Variants in TENT4B observed in about 807,000 individuals in gnomAD.
The protein encoded by TENT4B is terminal nucleotidyltransferase 4B, also known as PAP associated domain containing 5.
In TENT4B, 10 loss-of-function variants were observed where a neutral mutation model predicts 75.0. The ratio of observed to expected loss-of-function variants is 0.13; its 90% confidence interval spans 0.08 to 0.23. The LOEUF (loss-of-function observed/expected upper bound fraction) is 0.23. Ranked by LOEUF, TENT4B falls within the 10% of genes least tolerant of loss-of-function variation. The pLI, the probability that TENT4B is intolerant of heterozygous loss-of-function variation, is 1.00. For synonymous variants in TENT4B, 350 were observed against 357.7 expected (o/e 0.98, Z 0.24); for missense variants, 579 against 893.8 (o/e 0.65, Z 4.49).
At position 50,235,028 on chromosome 16, in the gene TENT4B, T is replaced by G; in HGVS notation, c.*5700T>G. On this transcript the variant is annotated 3_prime_UTR_variant, in exon 12 of 12. Transcript: ENST00000561678. ...TGTCTAGTTACCACTGCAGAGACAC[T>G]AAGGAATTTACCAGAAAAAGATATT... 2 of 985,786 alleles carry G rather than the reference T, an allele frequency of 2.0e-6. No homozygotes were observed. The highest frequency in any genetic ancestry group is 2.4e-6 in the Non-Finnish European group (2 of 829,862). 61.1% of individuals were successfully genotyped at this position (985,786 alleles called of 1,614,324 possible).
intron 1 of TENT4B, among the ~76,000 whole-genome samples, chr16:50,197,827 C>T (rs1364845577): frequency 2.0e-5 from 3 of 152,068 alleles, no homozygotes; most frequent in Admixed American, 1.3e-4. Context: ...GGCCAAAACT[C>T]GGTGATTGGC....
intron 1 of TENT4B, among the ~76,000 whole-genome samples, chr16:50,180,070 T>C (rs1456270842): frequency 1.3e-5 from 2 of 151,948 alleles, no homozygotes; most frequent in African/African-American, 4.8e-5. Flanking sequence ...TAAAATACAT[T>C]TGTAGGGGAG....
At chr16:50,172,909 A>G (rs1351283806) in intron 1 of TENT4B, among the ~76,000 whole-genome samples, 1 of 152,046 alleles carries the variant, frequency 6.6e-6, no homozygotes, top group Non-Finnish European at 1.5e-5. Flanking sequence ...AATCATACAG[A>G]TTGGCTTCTT....
At chr16:50,225,752 G>A (rs1460454743) in intron 10 of TENT4B, among the ~76,000 whole-genome samples, 3 of 148,226 alleles carry the variant, frequency 2.0e-5, no homozygotes, top group South Asian at 2.1e-4. Flanking sequence ...GTATGATCTC[G>A]GCTCACTGCA....
intron 5 of TENT4B, among the ~76,000 whole-genome samples, chr16:50,221,419 A>G (rs1305755074): frequency 6.6e-6 from 1 of 152,152 alleles, no homozygotes; most frequent in Admixed American, 6.5e-5. Context: ...CATTCTGTAC[A>G]TACTTGCCCA....
intron 1 of TENT4B, among the ~76,000 whole-genome samples, chr16:50,201,898 G>C (rs1007140979): frequency 6.6e-6 from 1 of 151,282 alleles, no homozygotes; most frequent in African/African-American, 2.4e-5. Context: ...ACTTTGGGAG[G>C]CTGAGGTGCT....
intron 1 of TENT4B, among the ~76,000 whole-genome samples, chr16:50,157,821 A>C (rs1281236772): frequency 6.6e-6 from 1 of 150,804 alleles, no homozygotes; most frequent in African/African-American, 2.4e-5. Context: ...GCTGGAGTGC[A>C]GTGTCATAAT....
intron 2 of TENT4B, among the ~76,000 whole-genome samples, chr16:50,211,860 A>T (rs539451447): frequency 6.6e-6 from 1 of 152,186 alleles, no homozygotes; most frequent in African/African-American, 2.4e-5. Flanking sequence ...GAAAATGTCA[A>T]GTAAGAACTT....
chr16:50,159,527 A>G (rs1567473972), intron 1 of TENT4B, among the ~76,000 whole-genome samples: 1 of 152,234 alleles, frequency 6.6e-6, no homozygotes, highest in East Asian at 1.9e-4. Flanking sequence ...GGCATGAGCC[A>G]CCGCGCCCGG....
chr16:50,219,259 A>G (rs1259615166), intron 5 of TENT4B, among the ~76,000 whole-genome samples: 3 of 152,196 alleles, frequency 2.0e-5, no homozygotes, highest in East Asian at 3.8e-4. Context: ...CTCATTGCCA[A>G]TTATTGTTTT....
intron 1 of TENT4B, among the ~76,000 whole-genome samples, chr16:50,183,521 CTTT>C (rs34736585): frequency 3.3e-4 from 39 of 119,590 alleles, no homozygotes; most frequent in Middle Eastern, 4.5e-3. Context: ...CTTAAAAACC[CTTT>C]TTTTTTTTTT....
At chr16:50,208,148 A>C (rs2031085455) in intron 1 of TENT4B, among the ~76,000 whole-genome samples, 1 of 152,172 alleles carries the variant, frequency 6.6e-6, no homozygotes, top group South Asian at 2.1e-4. Flanking sequence ...TTGCTTTAAT[A>C]ATAGCCCTCC....
intron 1 of TENT4B, among the ~76,000 whole-genome samples, chr16:50,179,750 G>GT (rs1444364032): frequency 6.6e-6 from 1 of 152,218 alleles, no homozygotes; most frequent in African/African-American, 2.4e-5. Flanking sequence ...AAGTTCTGCT[G>GT]TTAGTATAGT....
chr16:50,191,814 G>A (rs750595244), intron 1 of TENT4B, among the ~76,000 whole-genome samples: 22 of 152,184 alleles, frequency 1.4e-4, no homozygotes, highest in Non-Finnish European at 2.5e-4. Context: ...AGCTACTGGG[G>A]AGGCTGAGGC....
At chr16:50,226,517 C>T (rs906843046) in intron 10 of TENT4B, among the ~76,000 whole-genome samples, 6 of 152,010 alleles carry the variant, frequency 3.9e-5, no homozygotes, top group South Asian at 2.1e-4. Flanking sequence ...CTGCAAGCTC[C>T]GCCTCCCGGG....
intron 1 of TENT4B, among the ~76,000 whole-genome samples, chr16:50,168,579 G>A (rs1161220964): frequency 5.9e-5 from 9 of 151,328 alleles, no homozygotes; most frequent in African/African-American, 1.9e-4. Flanking sequence ...CTCCCAAAGT[G>A]CTGGGATTAC....
intron 1 of TENT4B, among the ~76,000 whole-genome samples, chr16:50,210,241 C>A (rs1235857783): frequency 1.3e-5 from 2 of 152,216 alleles, no homozygotes; most frequent in African/African-American, 4.8e-5. Context: ...CACAGCCTCA[C>A]CAACTTAGAA....
intron 1 of TENT4B, among the ~76,000 whole-genome samples, chr16:50,175,165 C>T (rs1199236793): frequency 6.6e-6 from 1 of 152,054 alleles, no homozygotes; most frequent in Non-Finnish European, 1.5e-5. Context: ...GGTCTGGCTT[C>T]TTTGTATATT....
At chr16:50,187,766 T>A (rs538197940) in intron 1 of TENT4B, among the ~76,000 whole-genome samples, 3 of 152,056 alleles carry the variant, frequency 2.0e-5, no homozygotes, top group African/African-American at 7.2e-5. Context: ...GGCTCATGCT[T>A]GTAATTGCAG....
Sources: gnomAD v4.1 joint callset for allele counts (sites outside exome capture counted in the v4.1 genomes callset) on GRCh38, gnomAD v4.1.1 for gene constraint, MANE v1.5 for transcripts, NCBI Gene and HGNC (gene_info 2026-07-23, HGNC 2026-07-21) for gene names.